ZNF532: variants seen among roughly 807,000 people sequenced by gnomAD.
ZNF532 encodes the protein zinc finger protein 532.
Under a neutral mutation model 89.3 loss-of-function variants are expected in ZNF532, and 22 were observed. That is an observed-to-expected ratio of 0.25 (90% CI 0.18 to 0.35). The LOEUF (loss-of-function observed/expected upper bound fraction) is 0.35. Among genes scored for constraint, ZNF532 ranks in the 10% least tolerant of loss-of-function variants. The pLI is 1.00. For synonymous variants in ZNF532, 606 were observed against 649.6 expected (o/e 0.93, Z 1.02); for missense variants, 1,132 against 1,643.4 (o/e 0.69, Z 5.38).
At chr18:58,869,600 G>A (rs988631920) in intron 2 of ZNF532, among the ~76,000 whole-genome samples, 3 of 152,136 alleles carry the variant, frequency 2.0e-5, no homozygotes, top group African/African-American at 7.2e-5. Flanking sequence ...ATTATAATTT[G>A]ATTTATGGAC....
intron 2 of ZNF532, among the ~76,000 whole-genome samples, chr18:58,882,271 T>G (rs1348119184): frequency 6.6e-6 from 1 of 152,306 alleles, no homozygotes; most frequent in East Asian, 1.9e-4. Flanking sequence ...ATTTGGAGAT[T>G]TGTTAACTTG....
chr18:58,882,788 C>G (rs2145009487), intron 2 of ZNF532, among the ~76,000 whole-genome samples: 1 of 152,270 alleles, frequency 6.6e-6, no homozygotes, highest in East Asian at 1.9e-4. Flanking sequence ...ACGTTTGTCC[C>G]AGAGATATCT....
chr18:58,899,941 A>G (rs112626106), intron 2 of ZNF532, among the ~76,000 whole-genome samples: 1,651 of 152,264 alleles, frequency 0.011, 24 homozygotes, highest in Middle Eastern at 0.044. Context: ...ATTAATATTT[A>G]TAATTTCCAA....
chr18:58,934,345 A>G (rs1285103888), intron 3 of ZNF532, 88 bp from the exon 4 acceptor site: 8 of 1,218,360 alleles, frequency 6.6e-6, no homozygotes, highest in Non-Finnish European at 8.2e-6. Flanking sequence ...TGAAGGATGT[A>G]TAATTATCTG....
intron 2 of ZNF532, among the ~76,000 whole-genome samples, chr18:58,878,694 G>A (rs1286268077): frequency 2.0e-5 from 3 of 152,238 alleles, no homozygotes; most frequent in Non-Finnish European, 4.4e-5. Context: ...CATACGAGAA[G>A]GCTCTGAAAG....
At chr18:58,957,448 C>T (rs946327902) in intron 7 of ZNF532, among the ~76,000 whole-genome samples, 12 of 139,840 alleles carry the variant, frequency 8.6e-5, no homozygotes, top group Admixed American at 5.8e-4. Flanking sequence ...AATAAAATAA[C>T]TTGGGGAATA....
At chr18:58,926,500 G>T (rs969766922) in intron 3 of ZNF532, among the ~76,000 whole-genome samples, 1 of 152,062 alleles carries the variant, frequency 6.6e-6, no homozygotes, top group Middle Eastern at 3.2e-3. Flanking sequence ...ACCATGCCCG[G>T]CTAATTTTAT....
chr18:58,905,245 C>T (rs2059857611), intron 2 of ZNF532, among the ~76,000 whole-genome samples: 1 of 152,104 alleles, frequency 6.6e-6, no homozygotes, highest in African/African-American at 2.4e-5. Context: ...AAATGGAAAG[C>T]CAATATCCAG....
At position 58,917,912 on chromosome 18, in the gene ZNF532, C is replaced by A. The variant is rs554948047; in HGVS notation, c.-17-359C>A. 4.9e-4 allele frequency among the ~76,000 whole-genome samples: 74 copies of A among 152,208 alleles called. 1 individual carries two copies. The South Asian group carries it at 0.015, about 30-fold the overall frequency. On this transcript the variant is annotated intron_variant, in intron 2 of 9. Transcript: ENST00000591808. ...CAGCAGAATTAAATACTGTCAAGAT[C>A]AAAATATGTTGGAAGTAGCTTTTTA...
chr18:58,969,736 T>A (rs1476684973), intron 7 of ZNF532, among the ~76,000 whole-genome samples: 1 of 152,178 alleles, frequency 6.6e-6, no homozygotes, highest in East Asian at 1.9e-4. Flanking sequence ...TTTTTATTGA[T>A]CTGATAAAAA....
rs756463207 is a variant in ZNF532, at chr18:58,918,952, A to C, written c.665A>C (p.Lys222Thr). The change falls in exon 3 of 10, where the codon AAA becomes ACA. Residue 222 changes from lysine (K) to threonine (T), a missense_variant. Lys to Thr is a moderately conservative substitution (Grantham distance 78, BLOSUM62 -1). Coordinates refer to ENST00000591808, the MANE Select transcript of ZNF532 (RefSeq NM_001375912.1). ...GTTTATGAACCTTTTAAAGTCAGAA[A>C]AGCAGAGGATAAATTGAAGGAAAGC... The part of the protein sequence containing the change: ...LSVYEPFKVR[K>T]AEDKLKESSD... The C allele has an allele frequency of 2.8e-5, 45 of 1,613,758 alleles. No homozygotes were observed. The highest frequency in any genetic ancestry group is 3.8e-5 in the Non-Finnish European group (45 of 1,180,038).
chr18:58,956,608 C>T (rs1000709950), intron 7 of ZNF532, among the ~76,000 whole-genome samples: 3 of 152,188 alleles, frequency 2.0e-5, no homozygotes, highest in Non-Finnish European at 4.4e-5. Context: ...TCTCCGTCTT[C>T]CTTCAGACAA....
At chr18:58,946,749 T>G (rs2063696445) in intron 5 of ZNF532, among the ~76,000 whole-genome samples, 1 of 152,134 alleles carries the variant, frequency 6.6e-6, no homozygotes, top group African/African-American at 2.4e-5. Flanking sequence ...CTTGTCTGCT[T>G]CTCAACACCC....
At chr18:58,881,005 A>G (rs1311711515) in intron 2 of ZNF532, among the ~76,000 whole-genome samples, 3 of 152,152 alleles carry the variant, frequency 2.0e-5, no homozygotes, top group Non-Finnish European at 4.4e-5. Flanking sequence ...TGAAGTTTCA[A>G]ATTGAGCTAT....
chr18:58,960,601 C>T (rs1603298661), intron 7 of ZNF532, among the ~76,000 whole-genome samples: 1 of 152,344 alleles, frequency 6.6e-6, no homozygotes, highest in South Asian at 2.1e-4. Flanking sequence ...GCAGATCAAT[C>T]TCCTTTTCTT....
At chr18:58,910,395 C>T (rs2060206473) in intron 2 of ZNF532, among the ~76,000 whole-genome samples, 1 of 152,028 alleles carries the variant, frequency 6.6e-6, no homozygotes, top group South Asian at 2.1e-4. Flanking sequence ...TACAGTTGGT[C>T]TTAATTTTGG....
At chr18:58,881,264 T>C (rs986112617) in intron 2 of ZNF532, among the ~76,000 whole-genome samples, 3 of 152,066 alleles carry the variant, frequency 2.0e-5, no homozygotes, top group African/African-American at 7.2e-5. Context: ...TCCAAGTAGC[T>C]GGGATTACAG....
At chr18:58,963,391 C>T (rs1439840566) in intron 7 of ZNF532, among the ~76,000 whole-genome samples, 1 of 152,128 alleles carries the variant, frequency 6.6e-6, no homozygotes, top group Non-Finnish European at 1.5e-5. Context: ...AGGTGAAAGA[C>T]AGCAGTGGCA....
At chr18:58,979,855 GT>G (rs1280927579) in intron 8 of ZNF532, 9 of 152,506 alleles carry the variant, frequency 5.9e-5, no homozygotes, top group African/African-American at 2.2e-4. Context: ...ACCACTGAAG[GT>G]GGGGCAGCCT....
Sources: gnomAD v4.1 joint callset for allele counts (sites outside exome capture counted in the v4.1 genomes callset) on GRCh38, gnomAD v4.1.1 for gene constraint, MANE v1.5 for transcripts, NCBI Gene and HGNC (gene_info 2026-07-23, HGNC 2026-07-21) for gene names.